PCDH15: variants seen among roughly 807,000 people sequenced by gnomAD.
The protein encoded by PCDH15 is protocadherin-15.
In PCDH15, 129 loss-of-function variants were observed where a neutral mutation model predicts 178.5. The ratio of observed to expected loss-of-function variants is 0.72; its 90% CI spans 0.63 to 0.84. The LOEUF (loss-of-function observed/expected upper bound fraction) is 0.84, where lower values mean the gene tolerates loss of function less well. Ranked by LOEUF, PCDH15 falls within the 40% of genes least tolerant of loss-of-function variation. The pLI, the probability that PCDH15 is intolerant of heterozygous loss-of-function variation, is 0.00. For synonymous variants in PCDH15, 800 were observed against 732.0 expected, an observed-to-expected ratio of 1.09 and a Z score of -1.50; for missense variants, 2,230 against 2,099.9, an observed-to-expected ratio of 1.06 and a Z score of -1.21.
chr10:55,357,842 C>T (rs1403792242), intron 2 of PCDH15, among the ~76,000 whole-genome samples: 2 of 152,022 alleles, frequency 1.3e-5, no homozygotes, highest in African/African-American at 2.4e-5. Context: ...CTAGTTTCTA[C>T]TGCCCCCATA....
chr10:54,451,729 T>G lies in PCDH15; in HGVS notation c.158-72787A>C, dbSNP rs1018393418. On this transcript the variant is annotated intron_variant, in intron 3 of 37. Coordinates refer to ENST00000644397, the MANE Select transcript of PCDH15 (RefSeq NM_001384140.1). The stretch of plus-strand genomic sequence containing the variant: ...TTATGACACAAATATATTACTTAGA[T>G]AGTATCTTCACATTAATTTTGTTTA... Among the ~76,000 whole-genome samples the G allele has an allele frequency of 2.0e-5, 3 of 151,928 alleles. No individual in the cohort carries two copies. The Admixed American group carries it at 2.0e-4, about 10-fold the overall frequency.
In PCDH15 at chr10:53,831,485, A is replaced by G. The variant is rs1323167576; in HGVS notation, c.4032T>C (p.Tyr1344=). ...LLDINKDFQP[Y]YGEGGRILEI... ...CCAGAATGCGTCCTCCTTCCCCATA[A>G]TACGGCTGAAAGTCTTTATTGATAT... is the stretch of plus-strand genomic sequence containing the variant. Residue 1344 remains tyrosine, a synonymous_variant, in exon 30 of 38, where the codon TAT becomes TAC. Transcript: ENST00000644397. 1 of 1,614,140 alleles carries G rather than the reference A, an allele frequency of 6.2e-7. No homozygotes were observed. Among genetic ancestry groups the G allele is most frequent in the East Asian group, 2.2e-5 (1 of 44,872 alleles).
In PCDH15 at chr10:53,940,887, T is replaced by C. The variant is rs1445560959; in HGVS notation, c.3211A>G (p.Ile1071Val). 6.2e-7 allele frequency: 1 copy of C among 1,612,498 alleles called. No homozygotes were observed. The highest frequency in any genetic ancestry group is 2.2e-5 in the East Asian group (1 of 44,856). Residue 1071 changes from isoleucine (I) to valine (V), a missense_variant, in exon 24 of 38, where the codon ATT (isoleucine) becomes GTT (valine). Physicochemically the swap from Ile to Val is conservative, Grantham distance 29 (BLOSUM62 3). Coordinates refer to ENST00000644397, the MANE Select transcript of PCDH15 (RefSeq NM_001384140.1). ...TCACCTTCTTCATTTCCTGAAACAA[T>C]GGAGTACACAATACTTTGATTAATG... ...AAINQSIVYS[I>V]VSGNEEDTFG...
At chr10:54,946,711 T>C (rs1359975421) in intron 2 of PCDH15, among the ~76,000 whole-genome samples, 1 of 151,876 alleles carries the variant, frequency 6.6e-6, no homozygotes, top group Non-Finnish European at 1.5e-5. Flanking sequence ...CATAATTTTC[T>C]CTAGTAAATT....
intron 6 of PCDH15, among the ~76,000 whole-genome samples, chr10:54,332,930 T>C (rs535615304): frequency 1.3e-5 from 2 of 152,148 alleles, no homozygotes; most frequent in South Asian, 2.1e-4. Flanking sequence ...TTACTTTTTA[T>C]ATGTATGTAT....
At chr10:54,905,645 A>C (rs948815527) in intron 2 of PCDH15, among the ~76,000 whole-genome samples, 1 of 152,128 alleles carries the variant, frequency 6.6e-6, no homozygotes, top group African/African-American at 2.4e-5. Flanking sequence ...CTTTTCAAGG[A>C]AACTAGGTCG....
At chr10:55,555,130 A>T (rs1339289484) in intron 2 of PCDH15, among the ~76,000 whole-genome samples, 1 of 152,108 alleles carries the variant, frequency 6.6e-6, no homozygotes, top group Non-Finnish European at 1.5e-5. Flanking sequence ...GGATCATAGA[A>T]GCTATTTCTA....
intron 6 of PCDH15, among the ~76,000 whole-genome samples, chr10:54,341,482 C>A (rs548241416): frequency 2.0e-5 from 3 of 152,314 alleles, no homozygotes; most frequent in African/African-American, 7.2e-5. Context: ...GTCAGTTAAA[C>A]CTCCTTTCTT....
chr10:54,947,408 T>C (rs1838222718), intron 2 of PCDH15, among the ~76,000 whole-genome samples: 2 of 152,070 alleles, frequency 1.3e-5, no homozygotes, highest in South Asian at 2.1e-4. Flanking sequence ...TAATTATTAA[T>C]AGAACATCCT....
chr10:55,022,711 C>CTT (rs201891944), intron 2 of PCDH15, among the ~76,000 whole-genome samples: 14 of 113,834 alleles, frequency 1.2e-4, no homozygotes, highest in African/African-American at 3.9e-4. Flanking sequence ...TTTTCTTTTT[C>CTT]TTTTTTTTTT....
Position 53,873,871 on chromosome 10 carries a change from G to A in PCDH15, c.3502-7014C>T, listed in dbSNP as rs143747359. On this transcript the variant is annotated intron_variant, in intron 26 of 37. Transcript: ENST00000644397. ...GGTTCCTTTTTGAAAAGAGGCCCCAGAGACTTCCTTTGTTCCGTTTTGCCA... is the reference window on the plus strand; with the variant it reads ...GGTTCCTTTTTGAAAAGAGGCCCCAAAGACTTCCTTTGTTCCGTTTTGCCA... Among the ~76,000 whole-genome samples the A allele has an allele frequency of 7.2e-3, 1,096 of 152,222 alleles. 9 individuals are homozygous for A. The highest frequency in any genetic ancestry group is 0.025 in the African/African-American group (1,037 of 41,548).
At chr10:55,397,566 A>AT (rs1837960334) in intron 2 of PCDH15, among the ~76,000 whole-genome samples, 1 of 151,678 alleles carries the variant, frequency 6.6e-6, no homozygotes, top group African/African-American at 2.4e-5. Context: ...TCTGTGTTTC[A>AT]TTTTCCTGTC....
chr10:54,352,025 A>G (rs550418709), intron 5 of PCDH15, among the ~76,000 whole-genome samples: 7 of 152,322 alleles, frequency 4.6e-5, no homozygotes, highest in South Asian at 2.1e-4. Context: ...TGTGTTGTAC[A>G]TATATATTTG....
At chr10:54,144,466 T>G (rs1014018824) in intron 14 of PCDH15, among the ~76,000 whole-genome samples, 1 of 152,186 alleles carries the variant, frequency 6.6e-6, no homozygotes, top group African/African-American at 2.4e-5. Flanking sequence ...ATTCAGATAA[T>G]GAGATGCTAG....
At chr10:55,602,673 G>A (rs937928042) in intron 2 of PCDH15, among the ~76,000 whole-genome samples, 6 of 152,064 alleles carry the variant, frequency 3.9e-5, no homozygotes, top group Non-Finnish European at 7.4e-5. Flanking sequence ...CTGCAGCTGA[G>A]GGTCCTGTCT....
At position 54,038,855 on chromosome 10, in the gene PCDH15, T is replaced by G. The variant is rs1003400161; in HGVS notation, c.2221-15658A>C. Among the ~76,000 whole-genome samples, 8 of 152,034 alleles carry G rather than the reference T, an allele frequency of 5.3e-5. No homozygotes were observed. The South Asian group carries it at 8.3e-4, about 16-fold the overall frequency. On this transcript the variant is annotated intron_variant, in intron 18 of 37. Transcript: ENST00000644397. ...ATTTTATACACATACACACATATAT[T>G]AAATTATTACAATATCATTCATTGT... is the stretch of plus-strand genomic sequence containing the variant.
At chr10:54,178,926 T>C (rs1489654494) in intron 13 of PCDH15, among the ~76,000 whole-genome samples, 1 of 152,120 alleles carries the variant, frequency 6.6e-6, no homozygotes, top group African/African-American at 2.4e-5. Context: ...CAACAGGTGC[T>C]GGAGAGGATG....
intron 2 of PCDH15, among the ~76,000 whole-genome samples, chr10:55,413,114 C>T (rs1427521162): frequency 1.3e-5 from 2 of 151,350 alleles, no homozygotes; most frequent in Non-Finnish European, 3.0e-5. Flanking sequence ...TATGTTAATA[C>T]CACTATTTAT....
In PCDH15 at chr10:53,930,996, A is replaced by C. The variant is rs113310043; in HGVS notation, c.3373+7819T>G. Among the ~76,000 whole-genome samples the C allele has an allele frequency of 4.8e-3, 738 of 152,338 alleles. 6 individuals carry two copies. Among genetic ancestry groups the C allele is most frequent in the Middle Eastern group, 0.01 (3 of 294 alleles). On this transcript the variant is annotated intron_variant, in intron 25 of 37. Coordinates refer to ENST00000644397, the MANE Select transcript of PCDH15 (RefSeq NM_001384140.1). The stretch of plus-strand genomic sequence containing the variant: ...TAGTGGTCAATATGGGAGTAAAGGA[A>C]GAAAATACGGATGCTTAACAGAATG...
Sources: gnomAD v4.1 joint callset for allele counts (sites outside exome capture counted in the v4.1 genomes callset) on GRCh38, gnomAD v4.1.1 for gene constraint, MANE v1.5 for transcripts, NCBI Gene and HGNC (gene_info 2026-07-23, HGNC 2026-07-21) for gene names.